Variants in SAMMSON observed in about 807,000 individuals in gnomAD.
SAMMSON encodes the protein long intergenic non-protein coding RNA 1212.
At chr3:70,054,071 T>G (rs913076586) in intron 3 of SAMMSON, among the ~76,000 whole-genome samples, 1 of 152,178 alleles carries the variant, frequency 6.6e-6, no homozygotes, top group African/African-American at 2.4e-5. Context: ...ACCATTTAAT[T>G]TTCTTACGTT....
At chr3:70,379,917 T>A (rs1040766055) in intron 9 of SAMMSON, among the ~76,000 whole-genome samples, 3 of 152,170 alleles carry the variant, frequency 2.0e-5, no homozygotes, top group African/African-American at 7.2e-5. Flanking sequence ...TACAAATGAT[T>A]AATAATGTTA....
At chr3:70,028,148 TTCC>T (rs2067049466) in intron 3 of SAMMSON, among the ~76,000 whole-genome samples, 1 of 37,336 alleles carries the variant, frequency 2.7e-5, no homozygotes, top group Non-Finnish European at 8.8e-5. Flanking sequence ...CCTTCTTTCC[TTCC>T]TTCCTTCCTT....
intron 7 of SAMMSON, among the ~76,000 whole-genome samples, chr3:70,319,731 A>G (rs1702523018): frequency 6.6e-6 from 1 of 152,138 alleles, no homozygotes; most frequent in South Asian, 2.1e-4. Flanking sequence ...TTTGCTTAAA[A>G]GTATTCTTTG....
chr3:70,204,232 T>C (rs905101517), intron 4 of SAMMSON, among the ~76,000 whole-genome samples: 1 of 152,194 alleles, frequency 6.6e-6, no homozygotes, highest in African/African-American at 2.4e-5. Flanking sequence ...GGATGCAGTA[T>C]TCTCTTTTCC....
intron 4 of SAMMSON, among the ~76,000 whole-genome samples, chr3:70,137,335 G>C (rs928013208): frequency 2.0e-5 from 3 of 152,124 alleles, no homozygotes; most frequent in African/African-American, 7.2e-5. Flanking sequence ...TGACTTATGG[G>C]CCAAATTTGT....
At chr3:70,404,260 G>A (rs975259700) in intron 2 of SAMMSON, among the ~76,000 whole-genome samples, 1 of 152,024 alleles carries the variant, frequency 6.6e-6, no homozygotes, top group African/African-American at 2.4e-5. Flanking sequence ...TGGGGGATTA[G>A]TTGATATTTA....
chr3:70,030,836 C>G (rs34584406), intron 3 of SAMMSON: 8,777 of 152,122 alleles, frequency 0.058, 355 homozygotes, highest in South Asian at 0.13. Flanking sequence ...AAATCAACAC[C>G]AAAATAAGAT....
At chr3:70,124,263 T>C (rs927941043) in intron 4 of SAMMSON, among the ~76,000 whole-genome samples, 3 of 152,202 alleles carry the variant, frequency 2.0e-5, no homozygotes, top group Non-Finnish European at 4.4e-5. Flanking sequence ...CTCTTCAATG[T>C]TCTATGGGAG....
At chr3:70,294,750 G>T (rs552147494) in intron 7 of SAMMSON, among the ~76,000 whole-genome samples, 36 of 152,242 alleles carry the variant, frequency 2.4e-4, no homozygotes, top group African/African-American at 6.0e-4. Flanking sequence ...TAAGAATCCA[G>T]ATTTTTTTCC....
At chr3:70,057,036 G>A (rs1320282208) in intron 3 of SAMMSON, among the ~76,000 whole-genome samples, 1 of 152,036 alleles carries the variant, frequency 6.6e-6, no homozygotes, top group Non-Finnish European at 1.5e-5. Context: ...AAGGCAGGCA[G>A]GAATGTATGG....
chr3:70,248,839 G>A (rs1194718622), intron 4 of SAMMSON, among the ~76,000 whole-genome samples: 1 of 152,036 alleles, frequency 6.6e-6, no homozygotes, highest in Non-Finnish European at 1.5e-5. Flanking sequence ...TGCCAGTGGT[G>A]GCCTACATGA....
chr3:70,396,907 G>T (rs757773759), intron 2 of SAMMSON, among the ~76,000 whole-genome samples: 16 of 152,292 alleles, frequency 1.1e-4, no homozygotes, highest in Non-Finnish European at 1.5e-4. Flanking sequence ...GGAGATCTCA[G>T]AAAGATAATC....
At chr3:70,203,012 G>A (rs1576153567) in intron 4 of SAMMSON, among the ~76,000 whole-genome samples, 1 of 152,026 alleles carries the variant, frequency 6.6e-6, no homozygotes, top group African/African-American at 2.4e-5. Flanking sequence ...CCATGATTAG[G>A]AGGTGGGAGG....
chr3:70,393,194 G>A (rs1371008199), downstream of SAMMSON, among the ~76,000 whole-genome samples: 2 of 152,040 alleles, frequency 1.3e-5, no homozygotes, highest in Non-Finnish European at 1.5e-5. Flanking sequence ...CTTATTATTG[G>A]CACATGTTTT....
chr3:70,269,005 A>T (rs867365822), intron 6 of SAMMSON, among the ~76,000 whole-genome samples: 18 of 152,098 alleles, frequency 1.2e-4, no homozygotes, highest in Admixed American at 6.5e-4. Context: ...AAGTTTAAAT[A>T]AAAAAAGAAA....
chr3:70,385,621 T>C (rs1703115522), intron 9 of SAMMSON, among the ~76,000 whole-genome samples: 1 of 151,990 alleles, frequency 6.6e-6, no homozygotes, highest in Non-Finnish European at 1.5e-5. Flanking sequence ...TTGGGTGAGT[T>C]GGGAGGTTGC....
At chr3:70,206,862 GAAATTTTCAC>G in intron 4 of SAMMSON, 1 of 396,146 alleles carries the variant, frequency 2.5e-6, no homozygotes, top group Admixed American at 4.4e-5. Flanking sequence ...TAAGAATGCA[GAAATTTTCAC>G]ATTTGACTTT....
At chr3:70,116,783 T>A (rs2106664301) in intron 4 of SAMMSON, among the ~76,000 whole-genome samples, 1 of 152,284 alleles carries the variant, frequency 6.6e-6, no homozygotes, top group Middle Eastern at 3.4e-3. Context: ...TCAAGGAGAA[T>A]CTTAGTGAAA....
In SAMMSON at chr3:70,076,946, G is replaced by A. The variant is rs138716776; in HGVS notation, n.507+5381G>A. Among the ~76,000 whole-genome samples the A allele has an allele frequency of 2.7e-3, 417 of 152,278 alleles. 1 individual carries two copies. The highest frequency in any genetic ancestry group is 5.6e-3 in the Admixed American group (86 of 15,296). ...ACAAAATACAGATATGTTGTTAAGA[G>A]GCAGTGTGACAAATCAGTGGTGGCT... On this transcript the variant is annotated intron_variant and non_coding_transcript_variant, in intron 4 of 9. Coordinates refer to ENST00000642114, the Ensembl canonical transcript of SAMMSON.
Sources: gnomAD v4.1 joint callset for allele counts (sites outside exome capture counted in the v4.1 genomes callset) on GRCh38, gnomAD v4.1.1 for gene constraint, MANE v1.5 for transcripts, NCBI Gene and HGNC (gene_info 2026-07-23, HGNC 2026-07-21) for gene names.